The following R3HDM4 variants were observed in gnomAD, a reference collection of about 807,000 sequenced individuals.
The protein encoded by R3HDM4 is R3H domain-containing protein 4.
In R3HDM4, 30 loss-of-function variants were observed where a neutral mutation model predicts 31.3. The ratio of observed to expected loss-of-function variants is 0.96; its 90% CI spans 0.72 to 1.30. The LOEUF (loss-of-function observed/expected upper bound fraction) is 1.30. Ranked by LOEUF, R3HDM4 falls within the 50% of genes most tolerant of loss-of-function variation. The pLI is 0.00. For missense variants in R3HDM4, 444 were observed against 366.1 expected (o/e 1.21, Z -1.74); for synonymous variants, 196 against 156.6 (o/e 1.25, Z -1.88).
At chr19:910,323 C>G (rs1190283141) in intron 1 of R3HDM4, among the ~76,000 whole-genome samples, 1 of 142,192 alleles carries the variant, frequency 7.0e-6, no homozygotes, top group Non-Finnish European at 1.6e-5. Flanking sequence ...GAAACCATCT[C>G]AAAAAAAAAA....
chr19:911,802 C>A (rs2145305821), intron 1 of R3HDM4, among the ~76,000 whole-genome samples: 1 of 152,210 alleles, frequency 6.6e-6, no homozygotes, highest in South Asian at 2.1e-4. Context: ...CCGGGTCCCC[C>A]GGGAAGGACG....
chr19:904,249 C>A (rs1014993579), intron 1 of R3HDM4, among the ~76,000 whole-genome samples: 4 of 152,170 alleles, frequency 2.6e-5, no homozygotes, highest in Non-Finnish European at 4.4e-5. Context: ...TTCCAAGACA[C>A]GATTTCCCGT....
chr19:913,049 C>CCGGCGCCCGCCGCG lies in R3HDM4; in HGVS notation c.71+37_71+38insCGCGGCGGGCGCCG. The CCGGCGCCCGCCGCG allele has an allele frequency of 1.1e-6, 1 of 875,938 alleles. No homozygotes were observed. The highest frequency in any genetic ancestry group is 5.0e-5 in the South Asian group (1 of 19,804). The allele number at this position is 875,938 out of a possible 1,614,324, so 54.3% of individuals were successfully genotyped here. A position where few individuals can be genotyped will look rare whatever the true frequency, so the allele number is the denominator to read the frequency against. On this transcript the variant is annotated intron_variant, in intron 1 of 7. Transcript: ENST00000361574. The surrounding 1 kb of genome is among the most constrained non-coding windows in gnomAD (Gnocchi z 5.0). ...ATCTCAGGGGAGGGAGCCCAGCCCG[C>CCGGCGCCCGCCGCG]CCCCGGCGCCCGCCGCGCCCCGCCC...
intron 1 of R3HDM4, among the ~76,000 whole-genome samples, chr19:903,473 C>T (rs1041247324): frequency 5.3e-5 from 8 of 151,822 alleles, no homozygotes; most frequent in Admixed American, 2.6e-4. Context: ...AAGCGCGCAC[C>T]GCAGCCACCG....
At position 910,399 on chromosome 19, in the gene R3HDM4, G is replaced by A. The variant is rs567863186; in HGVS notation, c.71+2688C>T. On this transcript the variant is annotated intron_variant, in intron 1 of 7. Transcript: ENST00000361574. ...CTCGGGAGGCTGGGGCAGGAGGATCGCCTGAGCCCGCAGGTGGAGGATGCA... is the reference window on the plus strand; with the variant it reads ...CTCGGGAGGCTGGGGCAGGAGGATCACCTGAGCCCGCAGGTGGAGGATGCA... Among the ~76,000 whole-genome samples, 94 of 152,056 alleles carry A rather than the reference G, an allele frequency of 6.2e-4. 1 individual carries two copies. In the South Asian group the frequency reaches 0.017, roughly 27 times the overall value.
chr19:902,148 G>A lies in R3HDM4; in HGVS notation c.72-18C>T. ...GAAGGGGCCTGTGGGCCGGGGCAGG[G>A]GTGGTCCTCAGGGTCAAGGCCGGCC... On this transcript the variant is annotated intron_variant, in intron 1 of 7. Coordinates refer to ENST00000361574, the MANE Select transcript of R3HDM4 (RefSeq NM_138774.4). 6.2e-7 allele frequency: 1 copy of A among 1,610,988 alleles called. No individual in the cohort carries two copies. Among genetic ancestry groups the A allele is most frequent in the African/African-American group, 1.3e-5 (1 of 75,042 alleles).
chr19:897,224 A>G lies in R3HDM4; in HGVS notation c.*213T>C, dbSNP rs1599354335. 1 of 508,930 alleles carries G rather than the reference A, an allele frequency of 2.0e-6. No homozygotes were observed. Among genetic ancestry groups the G allele is most frequent in the East Asian group, 3.3e-5 (1 of 30,480 alleles). The allele number at this position is 508,930 out of a possible 1,614,324, so 31.5% of individuals were successfully genotyped here. ...ACCCAAACACAAGTCCCGGAGTGGG[A>G]AGCTTGGAGCTGGGATGGCATGGGC... On this transcript the variant is annotated 3_prime_UTR_variant, in exon 8 of 8. Transcript: ENST00000361574.
At position 900,123 on chromosome 19, in the gene R3HDM4, C is replaced by T. The variant is rs2036807003; in HGVS notation, c.499G>A (p.Glu167Lys). The T allele has an allele frequency of 1.2e-6, 2 of 1,600,678 alleles. No homozygotes were observed. Among genetic ancestry groups the T allele is most frequent in the Middle Eastern group, 1.7e-4 (1 of 5,742 alleles). The change falls in exon 5 of 8, where the codon GAG becomes AAG. Residue 167 changes from glutamate (E) to lysine (K), a missense_variant. Physicochemically the swap from Glu to Lys is moderately conservative, Grantham distance 56. Transcript: ENST00000361574. Reference protein sequence around the residue: ...RREDPAYTPRECFQRISRRLR... With the variant: ...RREDPAYTPRKCFQRISRRLR... ...CGCCGGCTGATGCGCTGGAAGCACT[C>T]GCGGGGTGTATAGGCGGGGTCCTCT...
In R3HDM4 at chr19:906,240, G is replaced by GTTTT. The variant is rs1568342572; in HGVS notation, c.72-4111_72-4110insAAAA. ...ATGGGATTTTTTTTTTTTTTTTTGA[G>GTTTT]ACAGAGTCTCGCTCTGTCGCCCAGG... On this transcript the variant is annotated intron_variant, in intron 1 of 7. Transcript: ENST00000361574. 7.0e-3 allele frequency among the ~76,000 whole-genome samples: 958 copies of GTTTT among 137,428 alleles called. 15 individuals are homozygous for GTTTT. Among genetic ancestry groups the GTTTT allele is most frequent in the African/African-American group, 0.025 (908 of 35,894 alleles). The allele number at this position is 137,428 out of a possible 152,430, so 90.2% of individuals were successfully genotyped here.
At chr19:905,931 C>T (rs2036898321) in intron 1 of R3HDM4, among the ~76,000 whole-genome samples, 1 of 152,228 alleles carries the variant, frequency 6.6e-6, no homozygotes, top group Non-Finnish European at 1.5e-5. Context: ...CTGGCAACTC[C>T]GAAACTGCCT....
At position 897,308 on chromosome 19, in the gene R3HDM4, A is replaced by G; in HGVS notation, c.*129T>C. The G allele has an allele frequency of 1.5e-6, 1 of 688,786 alleles. No homozygotes were observed. Among genetic ancestry groups the G allele is most frequent in the Non-Finnish European group, 2.4e-6 (1 of 416,298 alleles). 42.7% of individuals were successfully genotyped at this position (688,786 alleles called of 1,614,324 possible). On this transcript the variant is annotated 3_prime_UTR_variant, in exon 8 of 8. Transcript: ENST00000361574. ...AGCTGCGTGAGGAGGGGGCAGAGTG[A>G]GAGAGACCACCCCAAGCGAAAAAGG...
intron 7 of R3HDM4, among the ~76,000 whole-genome samples, chr19:898,860 G>A (rs1206237403): frequency 1.3e-5 from 2 of 152,236 alleles, no homozygotes; most frequent in East Asian, 1.9e-4. Context: ...GGCATCGTCC[G>A]GTTGCCATGG....
Position 907,005 on chromosome 19 carries a change from G to A in R3HDM4, c.72-4875C>T, listed in dbSNP as rs1376049651. Among the ~76,000 whole-genome samples the A allele has an allele frequency of 6.6e-6, 1 of 151,700 alleles. No homozygotes were observed. Among genetic ancestry groups the A allele is most frequent in the Admixed American group, 6.6e-5 (1 of 15,212 alleles). On this transcript the variant is annotated intron_variant, in intron 1 of 7. Transcript: ENST00000361574. The surrounding 1 kb of genome is among the most constrained non-coding windows in gnomAD (Gnocchi z 4.1). ...TAATTTTTGTATTTTCAGTAGAGAC[G>A]GGGTTTCACCATGTTGGCAGGCTGG...
intron 7 of R3HDM4, among the ~76,000 whole-genome samples, chr19:898,835 G>C (rs1323955700): frequency 6.6e-6 from 1 of 152,170 alleles, no homozygotes; most frequent in Admixed American, 6.5e-5. Context: ...GTCTCCCACA[G>C]AGGGAACAGA....
At chr19:912,686 G>A (rs147160933) in intron 1 of R3HDM4, among the ~76,000 whole-genome samples, 2,492 of 127,436 alleles carry the variant, frequency 0.02, 112 homozygotes, top group African/African-American at 0.072. Context: ...GAGAGTGAGG[G>A]GGTGGACCCG....
intron 1 of R3HDM4, 197 bp from the exon 2 acceptor site, chr19:902,327 G>C (rs1399325694): frequency 8.2e-6 from 5 of 610,166 alleles, no homozygotes; most frequent in Admixed American, 3.0e-5. Flanking sequence ...TTGTGAAGAC[G>C]GGCTGGGTGT....
In R3HDM4 at chr19:899,767, C is replaced by CA. The variant is rs1285245815; in HGVS notation, c.562-82dup. ...GGGAGGTCCAGGGCCCCCAGGAGCCCACAGCGCTGGGCTCAAACATGACCT... is the reference window on the plus strand; with the variant it reads ...GGGAGGTCCAGGGCCCCCAGGAGCCCAACAGCGCTGGGCTCAAACATGACCT... On this transcript the variant is annotated intron_variant, in intron 5 of 7. Transcript: ENST00000361574. This position sits in a 1 kb window ranked among gnomAD's most constrained non-coding sequence, Gnocchi z 6.8. 6.8e-6 allele frequency: 8 copies of CA among 1,184,354 alleles called. No homozygotes were observed. The highest frequency in any genetic ancestry group is 9.3e-6 in the Non-Finnish European group (8 of 856,748). 73.4% of individuals were successfully genotyped at this position (1,184,354 alleles called of 1,614,324 possible).
chr19:899,432 G>A lies in R3HDM4; in HGVS notation c.703+8C>T. 1 of 1,613,534 alleles carries A rather than the reference G, an allele frequency of 6.2e-7. No homozygotes were observed. Among genetic ancestry groups the A allele is most frequent in the Non-Finnish European group, 8.5e-7 (1 of 1,179,874 alleles). On this transcript the variant is annotated splice_region_variant and intron_variant, in intron 7 of 7. Coordinates refer to ENST00000361574, the MANE Select transcript of R3HDM4 (RefSeq NM_138774.4). This position sits in a 1 kb window ranked among gnomAD's most constrained non-coding sequence, Gnocchi z 6.8. Reference sequence around the variant, plus strand: ...CAACTTGGGGTCTTGGGGGCCACCGGCACTTACTGGCCGAGATGAGGTCCA... The same window carrying A: ...CAACTTGGGGTCTTGGGGGCCACCGACACTTACTGGCCGAGATGAGGTCCA...
chr19:904,449 CA>C (rs778495098), intron 1 of R3HDM4, among the ~76,000 whole-genome samples: 3 of 152,226 alleles, frequency 2.0e-5, no homozygotes, highest in African/African-American at 7.2e-5. Flanking sequence ...CCAGAGTTCC[CA>C]ACACAAAAAT....
Sources: gnomAD v4.1 joint callset for allele counts (sites outside exome capture counted in the v4.1 genomes callset) on GRCh38, gnomAD v4.1.1 for gene constraint, Gnocchi (gnomAD v3.1) non-coding constraint, MANE v1.5 for transcripts, NCBI Gene and HGNC (gene_info 2026-07-23, HGNC 2026-07-21) for gene names.